The following FMR1NB variants were observed in gnomAD, a reference collection of about 807,000 sequenced individuals.
FMR1NB encodes FMR1 neighbor protein.
FMR1NB carries 10 observed loss-of-function variants against 16.8 expected under a neutral mutation model. The observed-to-expected ratio is 0.60, with a 90% CI of 0.37 to 1.01. FMR1NB has a LOEUF of 1.01. FMR1NB is among the 50% of genes least tolerant of loss of function. The probability of loss-of-function intolerance (pLI) is 0.01; values close to 1 mark genes in which losing one functional copy is unlikely to be tolerated. For missense variants in FMR1NB, 205 were observed against 204.8 expected, an observed-to-expected ratio of 1.00 and a Z score of 0.00; for synonymous variants, 83 against 79.1, an observed-to-expected ratio of 1.05 and a Z score of -0.26.
chrX:148,011,515 A>G (rs145320026), intron 4 of FMR1NB, among the ~76,000 whole-genome samples: 1,127 of 111,318 alleles, frequency 0.01, 12 homozygotes, highest in African/African-American at 0.036. Flanking sequence ...CCTTAAAACA[A>G]ATCCCAAGTA....
At chrX:147,996,793 A>T (rs376419006) in intron 1 of FMR1NB, among the ~76,000 whole-genome samples, 4 of 105,420 alleles carry the variant, frequency 3.8e-5, no homozygotes, top group South Asian at 8.7e-4. Flanking sequence ...GTTGAAATGT[A>T]GTTAGATTTT....
Position 148,004,212 on chromosome X carries a change from GT to G in FMR1NB, c.397+894del, listed in dbSNP as rs1269631743. Among the ~76,000 whole-genome samples, 3 of 112,186 alleles carry G rather than the reference GT, an allele frequency of 2.7e-5. No homozygotes were observed. In the Admixed American group the frequency reaches 2.8e-4, roughly 11 times the overall value. Reference sequence around the variant, plus strand: ...AAATAAAAAAGAAATCTGAGACGGTGTTATGTCGTATAGGCTGAAAGAATGG... The same window carrying G: ...AAATAAAAAAGAAATCTGAGACGGTGTATGTCGTATAGGCTGAAAGAATGG... On this transcript the variant is annotated intron_variant, in intron 2 of 5. Coordinates refer to ENST00000370467, the MANE Select transcript of FMR1NB (RefSeq NM_152578.3).
At position 147,992,211 on chromosome X, in the gene FMR1NB, C is replaced by T. The variant is rs1183615113; in HGVS notation, c.277+10532C>T. Among the ~76,000 whole-genome samples, 5 of 105,808 alleles carry T rather than the reference C, an allele frequency of 4.7e-5. No individual in the cohort carries two copies. In the East Asian group the frequency reaches 1.5e-3, roughly 32 times the overall value. 91.9% of individuals were successfully genotyped at this position (105,808 alleles called of 115,157 possible). The stretch of plus-strand genomic sequence containing the variant: ...ACGGGGTGGTGGCCGGGCAGAGGGG[C>T]TCCTCACTTCCCAGTAGGGGTGGCT... On this transcript the variant is annotated intron_variant, in intron 1 of 5. Coordinates refer to ENST00000370467, the MANE Select transcript of FMR1NB (RefSeq NM_152578.3).
intron 1 of FMR1NB, among the ~76,000 whole-genome samples, chrX:147,992,036 GAA>G (rs1201789843): frequency 1.8e-5 from 2 of 112,061 alleles, no homozygotes; most frequent in African/African-American, 6.5e-5. Context: ...AGAACAAAAT[GAA>G]AAGTCTCCCA....
At chrX:148,013,283 A>G (rs781927970) in intron 4 of FMR1NB, among the ~76,000 whole-genome samples, 1 of 111,909 alleles carries the variant, frequency 8.9e-6, no homozygotes, top group Non-Finnish European at 1.9e-5. Flanking sequence ...CCAAGTAACT[A>G]ATAACTTCAT....
chrX:147,988,141 C>A (rs2044486175), intron 1 of FMR1NB, among the ~76,000 whole-genome samples: 1 of 111,696 alleles, frequency 9.0e-6, no homozygotes, highest in African/African-American at 3.3e-5. Flanking sequence ...TTTGCAGTGG[C>A]TGGTACTGGT....
At chrX:148,014,439 T>C (rs2044639890) in intron 4 of FMR1NB, among the ~76,000 whole-genome samples, 1 of 112,119 alleles carries the variant, frequency 8.9e-6, no homozygotes. Context: ...GAACTTCTAA[T>C]GCTTTCAAGA....
At chrX:148,017,550 T>A (rs2044656161) in intron 4 of FMR1NB, among the ~76,000 whole-genome samples, 1 of 110,222 alleles carries the variant, frequency 9.1e-6, no homozygotes, top group Non-Finnish European at 1.9e-5. Context: ...TTTTTTTAAT[T>A]TTTTAAATTT....
chrX:147,989,589 A>G (rs2044493618), intron 1 of FMR1NB, among the ~76,000 whole-genome samples: 1 of 112,030 alleles, frequency 8.9e-6, no homozygotes, highest in Admixed American at 9.4e-5. Context: ...GCAGGCAGGA[A>G]CGTTTAAGTC....
At chrX:147,982,330 G>A (rs1379771375) in intron 1 of FMR1NB, among the ~76,000 whole-genome samples, 2 of 106,915 alleles carry the variant, frequency 1.9e-5, no homozygotes. Context: ...GCTCACGCCT[G>A]TAATCCCAAT....
At chrX:148,006,927 T>C in intron 3 of FMR1NB, 85 bp downstream of exon 3, 1 of 1,000,752 alleles carries the variant, frequency 1.0e-6, no homozygotes, top group Non-Finnish European at 1.4e-6. Context: ...TTGGATTTCC[T>C]AGCTTAATAC....
At chrX:148,010,990 A>G (rs1298082392) in intron 4 of FMR1NB, among the ~76,000 whole-genome samples, 1 of 111,445 alleles carries the variant, frequency 9.0e-6, no homozygotes, top group African/African-American at 3.3e-5. Context: ...GCAACTGACA[A>G]GAGTTGGAGA....
chrX:148,003,374 T>A, intron 2 of FMR1NB, 54 bp downstream of exon 2: 1 of 1,163,092 alleles, frequency 8.6e-7, no homozygotes, highest in Non-Finnish European at 1.2e-6. Context: ...TTGAAAACAG[T>A]AATTAAATGT....
chrX:148,008,528 A>G, intron 3 of FMR1NB, 90 bp from the exon 4 acceptor site: 1 of 828,836 alleles, frequency 1.2e-6, no homozygotes, highest in Non-Finnish European at 1.7e-6. Flanking sequence ...TTATTAACTG[A>G]TAGTTTCTTT....
At chrX:148,010,915 G>A (rs2044620686) in intron 4 of FMR1NB, among the ~76,000 whole-genome samples, 1 of 111,402 alleles carries the variant, frequency 9.0e-6, no homozygotes, top group Non-Finnish European at 1.9e-5. Context: ...AACAAACAAT[G>A]TTTTGGTATT....
chrX:147,996,294 T>C (rs1378167968), intron 1 of FMR1NB, among the ~76,000 whole-genome samples: 1 of 112,000 alleles, frequency 8.9e-6, no homozygotes, highest in African/African-American at 3.2e-5. Flanking sequence ...ACATGTGACT[T>C]CATTTAATCC....
chrX:148,025,092 C>T (rs2044697348), intron 5 of FMR1NB, 79 bp downstream of exon 5: 1 of 1,045,709 alleles, frequency 9.6e-7, no homozygotes, highest in Non-Finnish European at 1.3e-6. Flanking sequence ...ATCATCTTGG[C>T]TTGACTGACA....
intron 4 of FMR1NB, among the ~76,000 whole-genome samples, chrX:148,014,247 C>T (rs1474079679): frequency 1.8e-5 from 2 of 110,921 alleles, no homozygotes; most frequent in African/African-American, 6.6e-5. Context: ...AGAGAGGTTT[C>T]CTGGTACTTA....
At chrX:148,013,811 T>C (rs1557189858) in intron 4 of FMR1NB, among the ~76,000 whole-genome samples, 1 of 112,081 alleles carries the variant, frequency 8.9e-6, no homozygotes. Context: ...TTTCTTTTTC[T>C]CCTAAATTAT....
Sources: allele counts gnomAD v4.1 joint callset (sites outside exome capture counted in the v4.1 genomes callset), GRCh38; gene constraint gnomAD v4.1.1; transcripts MANE v1.5; gene names NCBI Gene and HGNC (gene_info 2026-07-23, HGNC 2026-07-21).